SNTG1: variants seen among roughly 807,000 people sequenced by gnomAD.
The protein encoded by SNTG1 is syntrophin gamma 1.
Under a neutral mutation model 74.7 loss-of-function variants are expected in SNTG1, and 39 were observed. The ratio of observed to expected loss-of-function variants is 0.52; its 90% confidence interval spans 0.40 to 0.68. The LOEUF (loss-of-function observed/expected upper bound fraction) is 0.68, where lower values mean the gene tolerates loss of function less well. SNTG1 is among the 30% of genes least tolerant of loss of function. The pLI is 0.00. For synonymous variants in SNTG1, 254 were observed against 217.1 expected (o/e 1.17, Z -1.49); for missense variants, 685 against 609.5 (o/e 1.12, Z -1.30).
At chr8:50,230,338 A>T (rs1198634196) in intron 2 of SNTG1, among the ~76,000 whole-genome samples, 1 of 151,288 alleles carries the variant, frequency 6.6e-6, no homozygotes, top group African/African-American at 2.4e-5. Flanking sequence ...CAGAGAAGAC[A>T]TAAATTACCA....
intron 8 of SNTG1, among the ~76,000 whole-genome samples, chr8:50,500,439 C>T (rs954021884): frequency 2.0e-5 from 3 of 152,086 alleles, no homozygotes; most frequent in East Asian, 3.9e-4. Context: ...TAATTTTTCA[C>T]TTGAATCAAA....
intron 4 of SNTG1, among the ~76,000 whole-genome samples, chr8:50,434,198 T>G (rs1048178976): frequency 2.6e-5 from 4 of 152,108 alleles, no homozygotes; most frequent in African/African-American, 9.7e-5. Context: ...CTTTATCCAT[T>G]TCCCTACAAA....
At chr8:50,738,919 G>A (rs972000044) in intron 17 of SNTG1, among the ~76,000 whole-genome samples, 3 of 151,902 alleles carry the variant, frequency 2.0e-5, no homozygotes, top group African/African-American at 7.3e-5. Flanking sequence ...AACTCAAGAT[G>A]GATTAAAGAC....
rs201997485 is a variant in SNTG1 at position 50,487,698 on chromosome 8, G to GT, written c.364-15080_364-15079insT. On this transcript the variant is annotated intron_variant, in intron 8 of 18. Transcript: ENST00000642720. ...TCTGGGGACTGTTGTGGGGTCGGAG[G>GT]GGGGGGAGGGATAGCACTGGGAGAT... 1.2e-3 allele frequency among the ~76,000 whole-genome samples: 179 copies of GT among 150,122 alleles called. 1 individual carries two copies. Among genetic ancestry groups the GT allele is most frequent in the Non-Finnish European group, 1.6e-3 (109 of 67,682 alleles).
intron 3 of SNTG1, among the ~76,000 whole-genome samples, chr8:50,400,373 C>T (rs1423926782): frequency 6.6e-6 from 1 of 152,152 alleles, no homozygotes; most frequent in Non-Finnish European, 1.5e-5. Flanking sequence ...TAGTGTTCCA[C>T]TGTGTATAAG....
At chr8:50,080,455 A>T (rs1233873216) in intron 1 of SNTG1, among the ~76,000 whole-genome samples, 2 of 152,128 alleles carry the variant, frequency 1.3e-5, no homozygotes, top group African/African-American at 4.8e-5. Context: ...GCACATTCAC[A>T]TTTAAACTTG....
At chr8:50,634,319 A>G (rs1193900996) in intron 13 of SNTG1, among the ~76,000 whole-genome samples, 4 of 152,178 alleles carry the variant, frequency 2.6e-5, no homozygotes, top group African/African-American at 9.7e-5. Context: ...CTGTGGCACA[A>G]ATCACCTTTG....
intron 2 of SNTG1, among the ~76,000 whole-genome samples, chr8:50,288,819 T>C (rs2088929064): frequency 6.6e-6 from 1 of 152,180 alleles, no homozygotes; most frequent in African/African-American, 2.4e-5. Context: ...TTACTCCACC[T>C]AGGAATTGCA....
intron 1 of SNTG1, among the ~76,000 whole-genome samples, chr8:49,979,663 G>T (rs1481786388): frequency 6.6e-6 from 1 of 152,158 alleles, no homozygotes; most frequent in Non-Finnish European, 1.5e-5. Flanking sequence ...TTGGTTAAAA[G>T]GCCTGTCTCT....
At chr8:50,585,539 GA>G (rs1359326373) in intron 12 of SNTG1, among the ~76,000 whole-genome samples, 8 of 152,032 alleles carry the variant, frequency 5.3e-5, no homozygotes. Context: ...ATGCCTTTTT[GA>G]AAAACACTGA....
chr8:50,108,687 C>A (rs910586318), intron 1 of SNTG1, among the ~76,000 whole-genome samples: 1 of 152,002 alleles, frequency 6.6e-6, no homozygotes, highest in Non-Finnish European at 1.5e-5. Flanking sequence ...GCTTTTGTTC[C>A]ATTTATAGAA....
chr8:50,264,165 A>G (rs2087334614), intron 2 of SNTG1, among the ~76,000 whole-genome samples: 1 of 152,202 alleles, frequency 6.6e-6, no homozygotes, highest in African/African-American at 2.4e-5. Flanking sequence ...ACCAAAACTT[A>G]CGGGATCCAG....
chr8:49,957,721 A>G (rs1810302690), intron 1 of SNTG1, among the ~76,000 whole-genome samples: 1 of 152,050 alleles, frequency 6.6e-6, no homozygotes, highest in Admixed American at 6.6e-5. Flanking sequence ...TGGGTTTTGG[A>G]GAGTTGACCG....
intron 1 of SNTG1, among the ~76,000 whole-genome samples, chr8:49,915,189 A>G (rs1215459260): frequency 6.6e-6 from 1 of 152,182 alleles, no homozygotes; most frequent in Non-Finnish European, 1.5e-5. Context: ...TTCAATGAAG[A>G]CACAATAATT....
At chr8:50,713,929 G>A (rs2095468846) in intron 17 of SNTG1, among the ~76,000 whole-genome samples, 2 of 152,052 alleles carry the variant, frequency 1.3e-5, no homozygotes, top group African/African-American at 4.8e-5. Context: ...TGTGGTGGCA[G>A]GCACCTGTAA....
intron 2 of SNTG1, among the ~76,000 whole-genome samples, chr8:50,191,967 G>C (rs560153452): frequency 6.6e-6 from 1 of 152,064 alleles, no homozygotes; most frequent in Admixed American, 6.6e-5. Flanking sequence ...TTAAACTAAA[G>C]AGCTTTTGCA....
intron 18 of SNTG1, among the ~76,000 whole-genome samples, chr8:50,755,953 C>A (rs147663183): frequency 6.9e-6 from 1 of 145,984 alleles, no homozygotes; most frequent in Non-Finnish European, 1.5e-5. Flanking sequence ...TATTTTCATA[C>A]GCTAATTTTC....
At chr8:50,336,107 A>G (rs946979311) in intron 2 of SNTG1, among the ~76,000 whole-genome samples, 1 of 152,114 alleles carries the variant, frequency 6.6e-6, no homozygotes, top group Admixed American at 6.5e-5. Context: ...TGGGAATATG[A>G]ATTTTATCCA....
rs1395357643 is a variant in SNTG1, at chr8:50,332,429, TA to T, written c.-27-61782del. On this transcript the variant is annotated intron_variant, in intron 2 of 18. Transcript: ENST00000642720. Reference sequence around the variant, plus strand: ...ACAGAGTCCCCACTTAGGAGAAAATTATTACTTAAGCCTTGTTTTTTTTTTT... The same window carrying T: ...ACAGAGTCCCCACTTAGGAGAAAATTTTACTTAAGCCTTGTTTTTTTTTTT... Among the ~76,000 whole-genome samples the T allele has an allele frequency of 2.6e-5, 4 of 151,902 alleles. No individual in the cohort carries two copies. In the East Asian group the frequency reaches 7.7e-4, roughly 29 times the overall value.
Sources: gnomAD v4.1 joint callset for allele counts (sites outside exome capture counted in the v4.1 genomes callset) on GRCh38, gnomAD v4.1.1 for gene constraint, MANE v1.5 for transcripts, NCBI Gene and HGNC (gene_info 2026-07-23, HGNC 2026-07-21) for gene names.